Variants in MGAT5B observed in about 807,000 individuals in gnomAD.
MGAT5B encodes the protein alpha-1,6-mannosylglycoprotein 6-beta-N-acetylglucosaminyltransferase B, also known as N-acetylglucosaminyl-transferase Vb.
MGAT5B carries 54 observed loss-of-function variants against 95.1 expected under a neutral mutation model. The observed-to-expected ratio is 0.57, with a 90% CI of 0.46 to 0.71. MGAT5B has a LOEUF of 0.71. Ranked by LOEUF, MGAT5B falls within the 30% of genes least tolerant of loss-of-function variation. The probability of loss-of-function intolerance (pLI) is 0.00; values close to 1 mark genes in which losing one functional copy is unlikely to be tolerated. For synonymous variants in MGAT5B, 464 were observed against 451.0 expected, an observed-to-expected ratio of 1.03 and a Z score of -0.36; for missense variants, 935 against 1,088.6, an observed-to-expected ratio of 0.86 and a Z score of 1.99.
Position 76,917,735 on chromosome 17 carries a change from C to T in MGAT5B, c.1026-7231C>T, listed in dbSNP as rs1304530329. Among the ~76,000 whole-genome samples, 1 of 151,956 alleles carries T rather than the reference C, an allele frequency of 6.6e-6. No homozygotes were observed. Among genetic ancestry groups the T allele is most frequent in the African/African-American group, 2.4e-5 (1 of 41,366 alleles). On this transcript the variant is annotated intron_variant, in intron 8 of 17. Transcript: ENST00000569840. This position sits in a 1 kb window ranked among gnomAD's most constrained non-coding sequence, Gnocchi z 6.1. ...GGTTCTCAGCAAAGGTTGGTGGAACCGGATAGAATAGCAAGAGCCCCTGGC... is the reference window on the plus strand; with the variant it reads ...GGTTCTCAGCAAAGGTTGGTGGAACTGGATAGAATAGCAAGAGCCCCTGGC...
Position 76,882,289 on chromosome 17 carries a change from C to T in MGAT5B, c.320C>T (p.Pro107Leu), listed in dbSNP as rs868000692. The T allele has an allele frequency of 2.5e-6, 4 of 1,611,650 alleles. No homozygotes were observed. Among genetic ancestry groups the T allele is most frequent in the Non-Finnish European group, 3.4e-6 (4 of 1,179,302 alleles). The change falls in exon 3 of 18, where the codon CCC becomes CTC. Residue 107 changes from proline to leucine, a missense_variant. Pro to Leu is a moderately conservative substitution (Grantham distance 98). Around this residue, in one of 4 missense-constraint regions of MGAT5B, gnomAD observed 243 missense variants for 228.2 expected, o/e 1.06. Transcript: ENST00000569840. ...CGGGCCGGCGGCGACCTGCACTTTC[C>T]CGCAGACAGGTGAGGGGACGTGGGG... The part of the protein sequence containing the change: ...LHRAGGDLHF[P>L]ADRMPPGAGL...
At position 76,926,683 on chromosome 17, in the gene MGAT5B, A is replaced by G; in HGVS notation, c.1244A>G (p.Asn415Ser). ...EYATLHGYRT[N>S]WGYWNLNPKQ... ...GCCACGCTGCACGGCTACCGGACCA[A>G]CTGGGGCTACTGGAACCTCAACCCC... The change falls in exon 10 of 18, where the codon AAC (asparagine) becomes AGC (serine). Residue 415 changes from asparagine to serine, a missense_variant. Asn to Ser is a conservative substitution (Grantham distance 46). Coordinates refer to ENST00000569840, the MANE Select transcript of MGAT5B (RefSeq NM_001199172.2). 1 of 1,612,770 alleles carries G rather than the reference A, an allele frequency of 6.2e-7. No homozygotes were observed. The highest frequency in any genetic ancestry group is 2.2e-5 in the East Asian group (1 of 44,876).
chr17:76,900,911 GCGTGTGTA>G (rs976692833), intron 3 of MGAT5B, among the ~76,000 whole-genome samples: 2 of 113,254 alleles, frequency 1.8e-5, no homozygotes, highest in African/African-American at 8.4e-5. Flanking sequence ...GTGTGTGTGT[GCGTGTGTA>G]CATGTGTGCG....
chr17:76,940,667 C>A lies in MGAT5B; in HGVS notation c.1732-65C>A. ...GGAGATAGGACAAGTGTATGGGGTACCTTTCTTTGTCCCTGTCCCACTGGC... is the reference window on the plus strand; with the variant it reads ...GGAGATAGGACAAGTGTATGGGGTAACTTTCTTTGTCCCTGTCCCACTGGC... On this transcript the variant is annotated intron_variant, in intron 14 of 17. Transcript: ENST00000569840. The surrounding 1 kb of genome is among the most constrained non-coding windows in gnomAD (Gnocchi z 4.3). 1 of 1,600,712 alleles carries A rather than the reference C, an allele frequency of 6.2e-7. No individual in the cohort carries two copies.
rs1968991999 is a variant in MGAT5B at position 76,917,870 on chromosome 17, A to G, written c.1026-7096A>G. Among the ~76,000 whole-genome samples, 1 of 152,168 alleles carries G rather than the reference A, an allele frequency of 6.6e-6. No homozygotes were observed. Among genetic ancestry groups the G allele is most frequent in the Non-Finnish European group, 1.5e-5 (1 of 68,034 alleles). On this transcript the variant is annotated intron_variant, in intron 8 of 17. Transcript: ENST00000569840. This position sits in a 1 kb window ranked among gnomAD's most constrained non-coding sequence, Gnocchi z 6.1. The stretch of plus-strand genomic sequence containing the variant: ...CTGAGCACCAGGAGCTAAAGCCTGG[A>G]TGAGAAAACCTGGGTTCGGGCTCAG...
chr17:76,915,502 A>C lies in MGAT5B; in HGVS notation c.1025+9315A>C, dbSNP rs1394667983. ...CTCGGGCTCTACCAGGGTTTGTAAT[A>C]TGCTATCCCTCGAAACAAACAGGAT... On this transcript the variant is annotated intron_variant, in intron 8 of 17. Transcript: ENST00000569840. The surrounding 1 kb of genome is among the most constrained non-coding windows in gnomAD (Gnocchi z 8.7). Among the ~76,000 whole-genome samples the C allele has an allele frequency of 6.6e-6, 1 of 152,202 alleles. No individual in the cohort carries two copies. Among genetic ancestry groups the C allele is most frequent in the Non-Finnish European group, 1.5e-5 (1 of 68,034 alleles).
At position 76,940,925 on chromosome 17, in the gene MGAT5B, C is replaced by A. The variant is rs1017612595; in HGVS notation, c.1848+77C>A. ...CTTCACTCTGATTAGAAAACGGTGC[C>A]CCCCTCTGGGTGAGTTCAGACTTGC... is the stretch of plus-strand genomic sequence containing the variant. On this transcript the variant is annotated intron_variant, in intron 15 of 17. Coordinates refer to ENST00000569840, the MANE Select transcript of MGAT5B (RefSeq NM_001199172.2). The surrounding 1 kb of genome is among the most constrained non-coding windows in gnomAD (Gnocchi z 4.3). 4.6e-6 allele frequency: 6 copies of A among 1,300,892 alleles called. No individual in the cohort carries two copies. Among genetic ancestry groups the A allele is most frequent in the African/African-American group, 1.5e-5 (1 of 68,746 alleles). 80.6% of individuals were successfully genotyped at this position (1,300,892 alleles called of 1,614,324 possible).
intron 8 of MGAT5B, among the ~76,000 whole-genome samples, chr17:76,908,249 T>C (rs677368): frequency 0.6 from 88,914 of 147,254 alleles, 30,000 homozygotes; most frequent in East Asian, 0.95. Context: ...TTCTTTCTTT[T>C]TTTCCTTTCT....
rs867497988 is a variant in MGAT5B at position 76,916,109 on chromosome 17, T to C, written c.1026-8857T>C. On this transcript the variant is annotated intron_variant, in intron 8 of 17. Transcript: ENST00000569840. This position sits in a 1 kb window ranked among gnomAD's most constrained non-coding sequence, Gnocchi z 5.3. ...GGGCTGCCCTGGCCCCTGCCCTTCA[T>C]CCTTCCTCGGGATCCAGGAGAGACC... Among the ~76,000 whole-genome samples, 2 of 148,516 alleles carry C rather than the reference T, an allele frequency of 1.3e-5. No homozygotes were observed. The highest frequency in any genetic ancestry group is 2.6e-5 in the African/African-American group (1 of 38,024).
chr17:76,921,023 C>T (rs1458102306), intron 8 of MGAT5B, among the ~76,000 whole-genome samples: 1 of 152,180 alleles, frequency 6.6e-6, no homozygotes, highest in Non-Finnish European at 1.5e-5. Flanking sequence ...GAAGAGGTGA[C>T]TTGGGACATT....
At chr17:76,903,811 C>T (rs929983365) in intron 5 of MGAT5B, among the ~76,000 whole-genome samples, 1 of 152,206 alleles carries the variant, frequency 6.6e-6, no homozygotes, top group Non-Finnish European at 1.5e-5. Context: ...GCGGTGGTGC[C>T]GCAGACCCCT....
Position 76,932,893 on chromosome 17 carries a change from T to G in MGAT5B, c.1422+118T>G, listed in dbSNP as rs1969540448. On this transcript the variant is annotated intron_variant, in intron 11 of 17. Transcript: ENST00000569840. ...CTCCTCCCGCCCCAGCCCTGCATGC[T>G]GGAAATGTCTCCCATGAACCAGTTC... The G allele has an allele frequency of 2.8e-6, 4 of 1,429,320 alleles. No homozygotes were observed. The South Asian group carries it at 5.4e-5, about 19-fold the overall frequency. 88.5% of individuals were successfully genotyped at this position (1,429,320 alleles called of 1,614,324 possible).
chr17:76,869,366 AC>A lies in MGAT5B; in HGVS notation c.68+274del, dbSNP rs932568559. 1.5e-4 allele frequency among the ~76,000 whole-genome samples: 23 copies of A among 149,160 alleles called. No individual in the cohort carries two copies. The highest frequency in any genetic ancestry group is 5.2e-4 in the African/African-American group (21 of 40,278). ...GCAGAGGTAAGAATGGGGGCAGAAA[AC>A]CCCCAGGTCGTGGTCCTGGGCCCAG... On this transcript the variant is annotated intron_variant, in intron 1 of 17. Transcript: ENST00000569840. This position sits in a 1 kb window ranked among gnomAD's most constrained non-coding sequence, Gnocchi z 7.0.
chr17:76,885,168 G>A (rs1435216160), intron 3 of MGAT5B, among the ~76,000 whole-genome samples: 1 of 152,178 alleles, frequency 6.6e-6, no homozygotes, highest in African/African-American at 2.4e-5. Flanking sequence ...GAGCTTCCTT[G>A]GAAATCCCCC....
At chr17:76,910,181 CTTG>C (rs1306859201) in intron 8 of MGAT5B, among the ~76,000 whole-genome samples, 1 of 152,218 alleles carries the variant, frequency 6.6e-6, no homozygotes, top group Admixed American at 6.5e-5. Context: ...CTGGTGACAT[CTTG>C]TTGTCAGATC....
rs201785876 is a variant in MGAT5B, at chr17:76,905,958, G to A, written c.856-60G>A. The A allele has an allele frequency of 6.7e-6, 10 of 1,499,246 alleles. No individual in the cohort carries two copies. Among genetic ancestry groups the A allele is most frequent in the Middle Eastern group, 2.4e-4 (1 of 4,222 alleles). The allele number at this position is 1,499,246 out of a possible 1,614,324, so 92.9% of individuals were successfully genotyped here. A position where few individuals can be genotyped will look rare whatever the true frequency, so the allele number is the denominator to read the frequency against. On this transcript the variant is annotated intron_variant, in intron 7 of 17. Transcript: ENST00000569840. The surrounding 1 kb of genome is among the most constrained non-coding windows in gnomAD (Gnocchi z 4.2). ...GCTGGTCTCCTGGCCGGTGCCCCGG[G>A]GGGGCGGGGCTCAGAGCTGCTGCTC...
chr17:76,886,709 G>A (rs1967642286), intron 3 of MGAT5B, among the ~76,000 whole-genome samples: 1 of 152,176 alleles, frequency 6.6e-6, no homozygotes, highest in Admixed American at 6.5e-5. Context: ...GGTGAGTGAG[G>A]GGCAGTGGTG....
At position 76,949,302 on chromosome 17, in the gene MGAT5B, C is replaced by T. The variant is rs1014140959; in HGVS notation, c.*464C>T. 41 of 164,352 alleles carry T rather than the reference C, an allele frequency of 2.5e-4. No individual in the cohort carries two copies. Among genetic ancestry groups the T allele is most frequent in the Middle Eastern group, 3.1e-3 (1 of 322 alleles). 10.2% of individuals were successfully genotyped at this position (164,352 alleles called of 1,614,324 possible). A position where few individuals can be genotyped will look rare whatever the true frequency, so the allele number is the denominator to read the frequency against. The stretch of plus-strand genomic sequence containing the variant: ...CCAAGGAGGGGCCCTCCCCATGGCC[C>T]TGGAGAGTGGGCCTGGGTGGTACCT... On this transcript the variant is annotated 3_prime_UTR_variant, in exon 18 of 18. Transcript: ENST00000569840.
At chr17:76,892,349 G>T (rs1201234261) in intron 3 of MGAT5B, among the ~76,000 whole-genome samples, 2 of 152,342 alleles carry the variant, frequency 1.3e-5, no homozygotes, top group East Asian at 3.9e-4. Context: ...CGCTCGGCCA[G>T]GTAGGAAGTC....
Sources: gnomAD v4.1 joint callset for allele counts (sites outside exome capture counted in the v4.1 genomes callset) on GRCh38, gnomAD v4.1.1 for gene constraint, gnomAD v4.1.1 regional missense constraint, Gnocchi (gnomAD v3.1) non-coding constraint, MANE v1.5 for transcripts, NCBI Gene and HGNC (gene_info 2026-07-23, HGNC 2026-07-21) for gene names.